Variants in ADGRB3 observed in about 807,000 individuals in gnomAD.
ADGRB3 encodes the protein brain-specific angiogenesis inhibitor 3.
A neutral mutation model predicts 193.4 loss-of-function variants in ADGRB3; 37 were observed. The ratio of observed to expected loss-of-function variants is 0.19; its 90% CI spans 0.15 to 0.25. The LOEUF (loss-of-function observed/expected upper bound fraction) is 0.25, where lower values mean the gene tolerates loss of function less well. Ranked by LOEUF, ADGRB3 falls within the 10% of genes least tolerant of loss-of-function variation. The pLI is 1.00. For missense variants in ADGRB3, 1,637 were observed against 1,852.9 expected, an observed-to-expected ratio of 0.88 and a Z score of 2.14; for synonymous variants, 690 against 644.2, an observed-to-expected ratio of 1.07 and a Z score of -1.08.
rs114980660 is a variant in ADGRB3 at position 69,307,228 on chromosome 6, T to C, written c.2815-17644T>C. On this transcript the variant is annotated intron_variant, in intron 20 of 31. Coordinates refer to ENST00000370598, the MANE Select transcript of ADGRB3 (RefSeq NM_001704.3). ...TCTAAAAATCTACCTGATGTCATTG[T>C]CTTCTATAAAGTTATAGTATTAAAG... is the stretch of plus-strand genomic sequence containing the variant. 4.6e-3 allele frequency among the ~76,000 whole-genome samples: 699 copies of C among 151,720 alleles called. 17 individuals are homozygous for C. Among genetic ancestry groups the C allele is most frequent in the Middle Eastern group, 0.027 (8 of 294 alleles).
rs192110203 is a variant in ADGRB3 at position 69,138,933 on chromosome 6, A to G, written c.2480+62895A>G. Among the ~76,000 whole-genome samples the G allele has an allele frequency of 3.1e-4, 47 of 152,346 alleles. No individual in the cohort carries two copies. In the East Asian group the frequency reaches 8.7e-3, roughly 28 times the overall value. On this transcript the variant is annotated intron_variant, in intron 17 of 31. Transcript: ENST00000370598. ...TATTATTTGACTTTTAAAGTTAGCT[A>G]GTGCATGACTCTATTCAGAGTAAGT...
At chr6:68,719,529 G>T (rs1232705291) in intron 3 of ADGRB3, among the ~76,000 whole-genome samples, 4 of 151,698 alleles carry the variant, frequency 2.6e-5, no homozygotes, top group African/African-American at 9.7e-5. Context: ...TTCTATAAGA[G>T]AACTCTGATG....
chr6:69,089,879 C>T (rs1772656674), intron 17 of ADGRB3, among the ~76,000 whole-genome samples: 1 of 152,124 alleles, frequency 6.6e-6, no homozygotes. Flanking sequence ...CCAGATATTA[C>T]CAAATGTTCG....
At chr6:68,648,195 G>A (rs1768260285) in intron 3 of ADGRB3, among the ~76,000 whole-genome samples, 1 of 152,120 alleles carries the variant, frequency 6.6e-6, no homozygotes, top group African/African-American at 2.4e-5. Flanking sequence ...AAATACATGA[G>A]CATGTAGCTG....
chr6:69,332,115 T>G (rs1450314262), intron 23 of ADGRB3: 2 of 985,292 alleles, frequency 2.0e-6, no homozygotes, highest in African/African-American at 3.5e-5. Flanking sequence ...ACTGGATTCC[T>G]TGATCAGAAA....
chr6:68,956,801 G>T lies in ADGRB3; in HGVS notation c.1517G>T (p.Arg506Leu), dbSNP rs1004615310. The T allele has an allele frequency of 1.2e-6, 2 of 1,613,304 alleles. No homozygotes were observed. Among genetic ancestry groups the T allele is most frequent in the South Asian group, 2.2e-5 (2 of 91,036 alleles). ...GEEVRRCNEQ[R>L]CPAPYEICPE... ...GAAGTGAGAAGATGCAATGAGCAGC[G>T]ATGCCCTGGTGAGAATGAACCCAAA... is the stretch of plus-strand genomic sequence containing the variant. Residue 506 changes from arginine to leucine, a missense_variant, in exon 8 of 32, where the codon CGA (arginine) becomes CTA (leucine). This residue lies in a region of ADGRB3 where 641 missense variants were observed against 673.9 expected (regional missense o/e 0.95). Transcript: ENST00000370598.
intron 4 of ADGRB3, among the ~76,000 whole-genome samples, chr6:68,932,291 A>G (rs1246675276): frequency 6.6e-6 from 1 of 152,202 alleles, no homozygotes; most frequent in Non-Finnish European, 1.5e-5. Flanking sequence ...ATAGCGTAAC[A>G]TGATTAGTTT....
At chr6:69,049,166 T>C in intron 14 of ADGRB3, 105 bp from the exon 15 acceptor site, 1 of 786,534 alleles carries the variant, frequency 1.3e-6, no homozygotes, top group Non-Finnish European at 2.0e-6. Flanking sequence ...GCTTTATCTT[T>C]GCCTAAGGAA....
At chr6:69,031,539 T>TTC (rs1201664905) in intron 13 of ADGRB3, among the ~76,000 whole-genome samples, 1 of 60,266 alleles carries the variant, frequency 1.7e-5, no homozygotes, top group East Asian at 4.1e-3. Flanking sequence ...CTTTCTTTCT[T>TTC]TCTTTCTTTC....
intron 17 of ADGRB3, among the ~76,000 whole-genome samples, chr6:69,104,796 T>G (rs755924633): frequency 6.2e-4 from 94 of 152,246 alleles, no homozygotes; most frequent in Non-Finnish European, 1.2e-3. Flanking sequence ...ATTTAAAAAT[T>G]TATATTTAAA....
intron 17 of ADGRB3, among the ~76,000 whole-genome samples, chr6:69,117,697 C>T (rs895400672): frequency 6.6e-6 from 1 of 152,144 alleles, no homozygotes; most frequent in African/African-American, 2.4e-5. Context: ...AGGCTCTAAA[C>T]CCAAGACAAA....
At chr6:68,948,691 C>T (rs1445591467) in intron 6 of ADGRB3, among the ~76,000 whole-genome samples, 3 of 151,920 alleles carry the variant, frequency 2.0e-5, no homozygotes, top group African/African-American at 4.8e-5. Context: ...CTGTTTTCAG[C>T]GTGGACACTT....
intron 20 of ADGRB3, among the ~76,000 whole-genome samples, chr6:69,251,566 G>A (rs1245137478): frequency 6.6e-6 from 1 of 152,088 alleles, no homozygotes; most frequent in African/African-American, 2.4e-5. Flanking sequence ...CTAGAAGTAG[G>A]GAGGAGATAT....
chr6:69,141,096 G>A (rs1343475642), intron 17 of ADGRB3, among the ~76,000 whole-genome samples: 1 of 140,888 alleles, frequency 7.1e-6, no homozygotes, highest in Non-Finnish European at 1.5e-5. Flanking sequence ...CAGGAAGTCA[G>A]TTTGGGGCAG....
chr6:68,762,569 G>A (rs1004369360), intron 3 of ADGRB3, among the ~76,000 whole-genome samples: 2 of 149,268 alleles, frequency 1.3e-5, no homozygotes, highest in Non-Finnish European at 3.0e-5. Context: ...AATAGGACTA[G>A]TAAATTAATT....
intron 16 of ADGRB3, among the ~76,000 whole-genome samples, chr6:69,069,389 C>T (rs941672269): frequency 2.6e-5 from 4 of 151,518 alleles, no homozygotes; most frequent in East Asian, 2.0e-4. Context: ...GAAAAATTTA[C>T]GTCTACTAAT....
chr6:69,222,736 C>A (rs183175136), intron 17 of ADGRB3, among the ~76,000 whole-genome samples: 61 of 152,082 alleles, frequency 4.0e-4, no homozygotes, highest in African/African-American at 1.2e-3. Flanking sequence ...GTACTTATTT[C>A]TATTATTGAG....
chr6:69,262,181 T>C (rs1766944826), intron 20 of ADGRB3, among the ~76,000 whole-genome samples: 1 of 152,074 alleles, frequency 6.6e-6, no homozygotes, highest in Non-Finnish European at 1.5e-5. Context: ...AAGCAGTACT[T>C]AGAGTATCAC....
At chr6:68,646,355 C>A (rs1285735363) in intron 3 of ADGRB3, among the ~76,000 whole-genome samples, 1 of 151,076 alleles carries the variant, frequency 6.6e-6, no homozygotes, top group Admixed American at 6.6e-5. Flanking sequence ...GGCATGCCTG[C>A]AATCCCGACT....
Sources: gnomAD v4.1 joint callset for allele counts (sites outside exome capture counted in the v4.1 genomes callset) on GRCh38, gnomAD v4.1.1 for gene constraint, gnomAD v4.1.1 regional missense constraint, MANE v1.5 for transcripts, NCBI Gene and HGNC (gene_info 2026-07-23, HGNC 2026-07-21) for gene names.